The following KIF6 variants were observed in gnomAD, a reference collection of about 807,000 sequenced individuals.
KIF6 encodes kinesin family member 6.
A neutral mutation model predicts 112.7 loss-of-function variants in KIF6; 106 were observed. The ratio of observed to expected loss-of-function variants is 0.94; its 90% CI spans 0.80 to 1.11. The LOEUF (loss-of-function observed/expected upper bound fraction) is 1.11, where lower values mean the gene tolerates loss of function less well. Ranked by LOEUF, KIF6 falls within the 50% of genes least tolerant of loss-of-function variation. The pLI is 0.00. For synonymous variants in KIF6, 339 were observed against 339.9 expected (o/e 1.00, Z 0.03); for missense variants, 929 against 964.0 (o/e 0.96, Z 0.48).
rs1400610000 is a variant in KIF6 at position 39,714,728 on chromosome 6, G to A, written c.215C>T (p.Thr72Ile). The change falls in exon 3 of 23, where the codon ACC (threonine) becomes ATC (isoleucine). Residue 72 changes from threonine to isoleucine, a missense_variant. This residue lies in a region of KIF6 where 688 missense variants were observed against 662.7 expected (regional missense o/e 1.04). Coordinates refer to ENST00000287152, the MANE Select transcript of KIF6 (RefSeq NM_145027.6). ...TGGTTTGGCAATGTTTTCAAAAACG[G>A]TCTCTTGGTTTGCATCCTGATCAAA... is the stretch of plus-strand genomic sequence containing the variant. ...RIFDQDANQETVFENIAKPVA... is the reference protein window; with the variant it reads ...RIFDQDANQEIVFENIAKPVA... 6.2e-7 allele frequency: 1 copy of A among 1,613,728 alleles called. No homozygotes were observed. The highest frequency in any genetic ancestry group is 8.5e-7 in the Non-Finnish European group (1 of 1,179,818).
At chr6:39,440,067 C>T (rs989022737) in intron 13 of KIF6, among the ~76,000 whole-genome samples, 1 of 152,022 alleles carries the variant, frequency 6.6e-6, no homozygotes, top group Non-Finnish European at 1.5e-5. Context: ...CGTGGGGCCT[C>T]GGTTCCCTCT....
chr6:39,641,208 C>A (rs569309748), intron 3 of KIF6, among the ~76,000 whole-genome samples: 137 of 152,070 alleles, frequency 9.0e-4, no homozygotes, highest in African/African-American at 3.2e-3. Flanking sequence ...TCTAAAATTT[C>A]AAATATCTAA....
intron 3 of KIF6, among the ~76,000 whole-genome samples, chr6:39,646,516 G>A (rs967716510): frequency 9.2e-5 from 14 of 152,294 alleles, no homozygotes; most frequent in Non-Finnish European, 1.9e-4. Context: ...GAGGGGAGGG[G>A]CAGGTGAAGC....
chr6:39,713,463 C>T (rs1472031804), intron 3 of KIF6, among the ~76,000 whole-genome samples: 1 of 152,102 alleles, frequency 6.6e-6, no homozygotes, highest in East Asian at 1.9e-4. Flanking sequence ...TAAAGTAAAG[C>T]TGAAGCAAAG....
At chr6:39,339,744 A>G in intron 22 of KIF6, among the ~76,000 whole-genome samples, 1 of 152,208 alleles carries the variant, frequency 6.6e-6, no homozygotes, top group Non-Finnish European at 1.5e-5. Context: ...CGGGTGTTAT[A>G]TACCTGTCCA....
chr6:39,569,219 C>T (rs1401403334), intron 10 of KIF6, among the ~76,000 whole-genome samples: 1 of 152,144 alleles, frequency 6.6e-6, no homozygotes, highest in African/African-American at 2.4e-5. Context: ...ACTATTGGTC[C>T]AGAATTAAGT....
At chr6:39,544,296 C>T (rs1778947473) in intron 12 of KIF6, among the ~76,000 whole-genome samples, 1 of 152,168 alleles carries the variant, frequency 6.6e-6, no homozygotes, top group Non-Finnish European at 1.5e-5. Flanking sequence ...TAAAAAGGCT[C>T]ATACTTTGAA....
intron 15 of KIF6, among the ~76,000 whole-genome samples, chr6:39,413,489 G>C (rs1769644920): frequency 6.6e-6 from 1 of 152,142 alleles, no homozygotes; most frequent in Non-Finnish European, 1.5e-5. Context: ...CAGTCAGAGT[G>C]TTTTATTCCC....
At chr6:39,481,006 G>A (rs374577626) in intron 13 of KIF6, among the ~76,000 whole-genome samples, 7 of 151,596 alleles carry the variant, frequency 4.6e-5, no homozygotes, top group African/African-American at 7.3e-5. Context: ...TCAAAGAACC[G>A]GCCTTTTGTT....
chr6:39,526,740 T>C (rs1269096420), intron 13 of KIF6, among the ~76,000 whole-genome samples: 1 of 152,258 alleles, frequency 6.6e-6, no homozygotes, highest in Admixed American at 6.5e-5. Flanking sequence ...GTTTGGTCAG[T>C]ACTGTGCTCT....
rs1215809183 is a variant in KIF6 at position 39,337,168 on chromosome 6, CTTCCTTCTTTCTTTCTTTCTTTCT to C, written c.2429-644_2429-621del. On this transcript the variant is annotated intron_variant, in intron 22 of 22. Transcript: ENST00000287152. ...CCTTTCTCTTTCTTTTCTTTCTTTCCTTCCTTCTTTCTTTCTTTCTTTCTTTCTTTCTTTCTTTCTTTCTTTCTT... is the reference window on the plus strand; with the variant it reads ...CCTTTCTCTTTCTTTTCTTTCTTTCCTTCTTTCTTTCTTTCTTTCTTTCTT... Among the ~76,000 whole-genome samples, 50 of 48,534 alleles carry C rather than the reference CTTCCTTCTTTCTTTCTTTCTTTCT, an allele frequency of 1.0e-3. 4 individuals are homozygous for C. The highest frequency in any genetic ancestry group is 0.028 in the Middle Eastern group (2 of 72). 31.8% of individuals were successfully genotyped at this position (48,534 alleles called of 152,430 possible). A position where few individuals can be genotyped will look rare whatever the true frequency, so the allele number is the denominator to read the frequency against.
chr6:39,466,357 C>T (rs1562241760), intron 13 of KIF6, among the ~76,000 whole-genome samples: 1 of 152,198 alleles, frequency 6.6e-6, no homozygotes, highest in Non-Finnish European at 1.5e-5. Context: ...AAAGGAGTTG[C>T]TATTTCCAAA....
At chr6:39,447,152 C>T (rs1404000522) in intron 13 of KIF6, among the ~76,000 whole-genome samples, 1 of 152,186 alleles carries the variant, frequency 6.6e-6, no homozygotes, top group African/African-American at 2.4e-5. Flanking sequence ...TCTACTGTTT[C>T]TGTGTTCTCT....
At chr6:39,507,764 C>T (rs1213575374) in intron 13 of KIF6, among the ~76,000 whole-genome samples, 10 of 146,732 alleles carry the variant, frequency 6.8e-5, no homozygotes, top group East Asian at 4.3e-4. Flanking sequence ...ACTGGGTGTA[C>T]GTAACCTGGG....
intron 2 of KIF6, among the ~76,000 whole-genome samples, chr6:39,717,562 CTTT>C (rs1056613324): frequency 2.0e-5 from 3 of 152,132 alleles, no homozygotes; most frequent in African/African-American, 7.2e-5. Flanking sequence ...CATTCCCCTT[CTTT>C]GTCACACTTT....
intron 6 of KIF6, among the ~76,000 whole-genome samples, chr6:39,598,805 T>C (rs372915034): frequency 1.6e-4 from 24 of 152,192 alleles, no homozygotes; most frequent in African/African-American, 5.5e-4. Context: ...TTGGGATAGA[T>C]TGACATAAAT....
chr6:39,507,105 T>G (rs1458346358), intron 13 of KIF6, among the ~76,000 whole-genome samples: 1 of 152,192 alleles, frequency 6.6e-6, no homozygotes, highest in African/African-American at 2.4e-5. Context: ...TTGTGATTTA[T>G]AGAAGGTTAA....
chr6:39,594,108 G>A (rs1319155747), intron 7 of KIF6, among the ~76,000 whole-genome samples: 1 of 151,822 alleles, frequency 6.6e-6, no homozygotes, highest in Non-Finnish European at 1.5e-5. Context: ...TAGCCCCCAA[G>A]ACTACTCACA....
intron 3 of KIF6, among the ~76,000 whole-genome samples, chr6:39,703,950 G>A (rs1789033354): frequency 6.6e-6 from 1 of 152,150 alleles, no homozygotes; most frequent in African/African-American, 2.4e-5. Context: ...CTATCAAGGT[G>A]AGAAATAATA....
Sources: gnomAD v4.1 joint callset for allele counts (sites outside exome capture counted in the v4.1 genomes callset) on GRCh38, gnomAD v4.1.1 for gene constraint, gnomAD v4.1.1 regional missense constraint, MANE v1.5 for transcripts, NCBI Gene and HGNC (gene_info 2026-07-23, HGNC 2026-07-21) for gene names.